ARMC3: variants seen among roughly 807,000 people sequenced by gnomAD.
The protein encoded by ARMC3 is armadillo repeat-containing protein 3.
A neutral mutation model predicts 90.3 loss-of-function variants in ARMC3; 74 were observed. That is an observed-to-expected ratio of 0.82 (90% CI 0.68 to 0.99). ARMC3 has a LOEUF of 0.99. ARMC3 is among the 50% of genes least tolerant of loss of function. ARMC3 has a pLI of 0.00. For synonymous variants in ARMC3, 334 were observed against 361.8 expected, an observed-to-expected ratio of 0.92 and a Z score of 0.87; for missense variants, 958 against 1,042.8, an observed-to-expected ratio of 0.92 and a Z score of 1.12.
chr10:22,940,546 G>A (rs1016853376), intron 2 of ARMC3, among the ~76,000 whole-genome samples: 1 of 151,986 alleles, frequency 6.6e-6, no homozygotes. Flanking sequence ...GAATGCAGTG[G>A]TATGACTGTA....
intron 17 of ARMC3, 70 bp from the exon 18 acceptor site, chr10:23,032,791 T>A: frequency 1.4e-6 from 2 of 1,441,564 alleles, no homozygotes; most frequent in South Asian, 2.6e-5. Context: ...TATTTACATG[T>A]AATTACACTC....
At chr10:23,007,294 G>C (rs1217534761) in intron 14 of ARMC3, among the ~76,000 whole-genome samples, 1 of 152,116 alleles carries the variant, frequency 6.6e-6, no homozygotes, top group East Asian at 1.9e-4. Flanking sequence ...AGCAAACCGA[G>C]ATGAATCATG....
At position 23,014,889 on chromosome 10, in the gene ARMC3, C is replaced by CAA. The variant is rs779670823; in HGVS notation, c.2045+5977_2045+5978dup. Among the ~76,000 whole-genome samples the CAA allele has an allele frequency of 6.8e-3, 425 of 62,852 alleles. 5 individuals carry two copies. The highest frequency in any genetic ancestry group is 0.011 in the Middle Eastern group (1 of 94). The allele number at this position is 62,852 out of a possible 152,430, so 41.2% of individuals were successfully genotyped here. ...TACCTGAGTGATGAGATAATCTGTACAAAAAAAAAAAAAAAAAAAACCCCA... is the reference window on the plus strand; with the variant it reads ...TACCTGAGTGATGAGATAATCTGTACAAAAAAAAAAAAAAAAAAAAAACCCCA... On this transcript the variant is annotated intron_variant, in intron 16 of 18. Transcript: ENST00000298032.
chr10:22,982,309 TGGAGG>T, intron 10 of ARMC3, among the ~76,000 whole-genome samples: 1 of 151,946 alleles, frequency 6.6e-6, no homozygotes, highest in East Asian at 1.9e-4. Context: ...ACCCCGGAGG[TGGAGG>T]TTGCAGTGAG....
intron 3 of ARMC3, among the ~76,000 whole-genome samples, chr10:22,954,595 C>T (rs772621689): frequency 5.3e-5 from 8 of 149,742 alleles, no homozygotes; most frequent in African/African-American, 1.7e-4. Flanking sequence ...TCGCTTGAGC[C>T]GAGGAGGTCG....
chr10:23,009,066 C>G, intron 16 of ARMC3, 135 bp downstream of exon 16: 1 of 697,418 alleles, frequency 1.4e-6, no homozygotes, highest in Non-Finnish European at 2.3e-6. Flanking sequence ...TTAAAAGAAA[C>G]TTGATTTTTG....
intron 12 of ARMC3, 125 bp downstream of exon 12, chr10:23,002,180 A>C: frequency 7.2e-7 from 1 of 1,381,064 alleles, no homozygotes. Context: ...GAAGCGCTGC[A>C]TGTCCCCAGG....
Position 22,959,421 on chromosome 10 carries a change from T to C in ARMC3, c.384T>C (p.Phe128=). 6.2e-7 allele frequency: 1 copy of C among 1,606,416 alleles called. No homozygotes were observed. Among genetic ancestry groups the C allele is most frequent in the Non-Finnish European group, 8.5e-7 (1 of 1,178,288 alleles). ...CAGAAGAAGTAGTTATCCATGAGTT[T>C]GCTAGTCTTTGTCTAGCAAACATGT... is the stretch of plus-strand genomic sequence containing the variant. ...APEEEVVIHE[F]ASLCLANMSA... The change falls in exon 6 of 19, where the codon TTT becomes TTC. Residue 128 remains phenylalanine, a synonymous_variant. Transcript: ENST00000298032.
At chr10:22,990,360 G>C (rs193204510) in intron 10 of ARMC3, among the ~76,000 whole-genome samples, 2 of 152,162 alleles carry the variant, frequency 1.3e-5, no homozygotes, top group African/African-American at 4.8e-5. Context: ...AGCTCTGCAG[G>C]TGTAGGAGAT....
chr10:23,001,961 C>T lies in ARMC3; in HGVS notation c.1468C>T (p.Arg490Cys), dbSNP rs780936076. The T allele has an allele frequency of 1.4e-5, 22 of 1,613,740 alleles. No individual in the cohort carries two copies. The highest frequency in any genetic ancestry group is 5.3e-5 in the African/African-American group (4 of 74,904). ...ATTGGAGCCCCTGGTAGAGCTGCTA[C>T]GCTCCAAGAATGATGAAGTGAGGAA... ...GGLEPLVELL[R>C]SKNDEVRKHA... Residue 490 changes from arginine to cysteine, a missense_variant, in exon 12 of 19, where the codon CGC (arginine) becomes TGC (cysteine). Coordinates refer to ENST00000298032, the MANE Select transcript of ARMC3 (RefSeq NM_173081.5).
In ARMC3 at chr10:22,965,894, T is replaced by C. The variant is rs535824988; in HGVS notation, c.733-2412T>C. ...TTGAGCTTTCCTCTGTGAACATATT[T>C]ATCATAGCTGCTTTAGAGTCTCTAA... On this transcript the variant is annotated intron_variant, in intron 7 of 18. Coordinates refer to ENST00000298032, the MANE Select transcript of ARMC3 (RefSeq NM_173081.5). 2.0e-5 allele frequency among the ~76,000 whole-genome samples: 3 copies of C among 152,352 alleles called. No individual in the cohort carries two copies. The South Asian group carries it at 6.2e-4, about 32-fold the overall frequency.
chr10:22,998,791 T>C (rs932170612), intron 11 of ARMC3, among the ~76,000 whole-genome samples: 17 of 152,346 alleles, frequency 1.1e-4, no homozygotes, highest in African/African-American at 4.1e-4. Flanking sequence ...CAGCCCCACA[T>C]GTCAACAGCG....
intron 8 of ARMC3, among the ~76,000 whole-genome samples, chr10:22,979,878 G>A (rs1836107680): frequency 6.6e-6 from 1 of 152,142 alleles, no homozygotes; most frequent in South Asian, 2.1e-4. Context: ...GGTTTAAAAT[G>A]AATGAGCAGG....
chr10:23,006,076 G>A (rs1281697433), intron 13 of ARMC3, among the ~76,000 whole-genome samples: 2 of 152,130 alleles, frequency 1.3e-5, no homozygotes, highest in African/African-American at 4.8e-5. Flanking sequence ...GCAAATCTGG[G>A]GCTGGGGGAA....
Position 22,981,715 on chromosome 10 carries a change from C to A in ARMC3, c.1175+15C>A. The A allele has an allele frequency of 1.3e-6, 2 of 1,595,660 alleles. No individual in the cohort carries two copies. The highest frequency in any genetic ancestry group is 1.7e-6 in the Non-Finnish European group (2 of 1,164,720). On this transcript the variant is annotated intron_variant, in intron 10 of 18. Transcript: ENST00000298032. Reference sequence around the variant, plus strand: ...GCTAATGCAAAGTAAGTTCAGAGATCCTCACCCAGCACTGACTTGTGGGAC... The same window carrying A: ...GCTAATGCAAAGTAAGTTCAGAGATACTCACCCAGCACTGACTTGTGGGAC...
chr10:22,964,337 A>G (rs1288744084), intron 7 of ARMC3, among the ~76,000 whole-genome samples: 5 of 152,110 alleles, frequency 3.3e-5, no homozygotes, highest in African/African-American at 1.2e-4. Context: ...TTAGTTTTCA[A>G]TTATCATATG....
At chr10:23,014,346 G>A in intron 16 of ARMC3, 1 of 1,346,950 alleles carries the variant, frequency 7.4e-7, no homozygotes, top group Non-Finnish European at 9.6e-7. Flanking sequence ...TCCCTTCTTA[G>A]CCTTTGGTCC....
chr10:22,941,725 T>G (rs999630703), intron 2 of ARMC3, among the ~76,000 whole-genome samples: 2 of 152,168 alleles, frequency 1.3e-5, no homozygotes, highest in Non-Finnish European at 2.9e-5. Flanking sequence ...GGAGTTTCCA[T>G]CTGGTAACTT....
chr10:22,947,810 A>G (rs922389279), intron 3 of ARMC3, among the ~76,000 whole-genome samples: 3 of 152,224 alleles, frequency 2.0e-5, no homozygotes, highest in African/African-American at 7.2e-5. Context: ...ACATTGTTGT[A>G]AAACATAAAA....
Sources: gnomAD v4.1 joint callset for allele counts (sites outside exome capture counted in the v4.1 genomes callset) on GRCh38, gnomAD v4.1.1 for gene constraint, MANE v1.5 for transcripts, NCBI Gene and HGNC (gene_info 2026-07-23, HGNC 2026-07-21) for gene names.